Variants in ZBTB40 observed in about 807,000 individuals in gnomAD.
ZBTB40 encodes the protein zinc finger and BTB domain containing 40.
In ZBTB40, 60 loss-of-function variants were observed where a neutral mutation model predicts 117.5. That is an observed-to-expected ratio of 0.51 (90% CI 0.41 to 0.63). ZBTB40 has a LOEUF of 0.63. ZBTB40 is among the 30% of genes least tolerant of loss of function. ZBTB40 has a pLI of 0.00. For synonymous variants in ZBTB40, 525 were observed against 577.1 expected (o/e 0.91, Z 1.29); for missense variants, 1,287 against 1,498.5 (o/e 0.86, Z 2.33).
At chr1:22,434,668 A>G (rs1640647682) in intron 1 of ZBTB40, among the ~76,000 whole-genome samples, 1 of 152,216 alleles carries the variant, frequency 6.6e-6, no homozygotes, top group Non-Finnish European at 1.5e-5. Flanking sequence ...ACTTTTAATT[A>G]TAAAGTTTAT....
intron 15 of ZBTB40, among the ~76,000 whole-genome samples, chr1:22,522,122 A>T (rs1301147164): frequency 6.6e-6 from 1 of 152,258 alleles, no homozygotes; most frequent in African/African-American, 2.4e-5. Flanking sequence ...GCAAGACACC[A>T]TGCTAAGCAC....
Position 22,520,046 on chromosome 1 carries a change from G to A in ZBTB40, c.2834-15G>A, listed in dbSNP as rs371253393. On this transcript the variant is annotated splice_polypyrimidine_tract_variant and intron_variant, in intron 13 of 17. Coordinates refer to ENST00000375647, the MANE Select transcript of ZBTB40 (RefSeq NM_014870.4). Reference sequence around the variant, plus strand: ...CTCTCCACCTCTTCCTCTCATGGATGTCCCGTGAAACTAGACATAGAAGAT... The same window carrying A: ...CTCTCCACCTCTTCCTCTCATGGATATCCCGTGAAACTAGACATAGAAGAT... The A allele has an allele frequency of 2.5e-6, 4 of 1,612,650 alleles. No homozygotes were observed. Among genetic ancestry groups the A allele is most frequent in the Non-Finnish European group, 3.4e-6 (4 of 1,178,676 alleles).
rs761916816 is a variant in ZBTB40, at chr1:22,489,909, A to T, written c.-40A>T. On this transcript the variant is annotated 5_prime_UTR_variant, in exon 2 of 18. Transcript: ENST00000375647. ...TGTCCTCCCAAAGCCAACTCTAAGG[A>T]GAGGAGAGGAAGAGCAGTTCTTGGG... 6.3e-7 allele frequency: 1 copy of T among 1,591,130 alleles called. No homozygotes were observed. The highest frequency in any genetic ancestry group is 8.6e-7 in the Non-Finnish European group (1 of 1,168,652).
At chr1:22,464,287 A>C (rs1172185934) in intron 1 of ZBTB40, among the ~76,000 whole-genome samples, 2 of 152,200 alleles carry the variant, frequency 1.3e-5, no homozygotes, top group Non-Finnish European at 2.9e-5. Flanking sequence ...CTGGCCTTTA[A>C]CCACTAAGCT....
chr1:22,501,483 G>A lies in ZBTB40; in HGVS notation c.832-9G>A. On this transcript the variant is annotated splice_polypyrimidine_tract_variant and intron_variant, in intron 3 of 17. Coordinates refer to ENST00000375647, the MANE Select transcript of ZBTB40 (RefSeq NM_014870.4). ...CTAATCTATCTTTCTGGGTACTTTT[G>A]TTCCATAGATGATAGTGAAATGTTT... The A allele has an allele frequency of 1.2e-6, 2 of 1,614,050 alleles. No homozygotes were observed. The highest frequency in any genetic ancestry group is 1.1e-5 in the South Asian group (1 of 91,086).
intron 1 of ZBTB40, among the ~76,000 whole-genome samples, chr1:22,462,907 A>G (rs1641164156): frequency 6.6e-6 from 1 of 152,256 alleles, no homozygotes. Flanking sequence ...ATACATATGT[A>G]ACTTGAAAGT....
intron 3 of ZBTB40, among the ~76,000 whole-genome samples, chr1:22,498,525 C>T (rs1419433501): frequency 6.6e-6 from 1 of 152,232 alleles, no homozygotes; most frequent in African/African-American, 2.4e-5. Context: ...TAACTGCCCT[C>T]TCCTGGCCCT....
rs1004759686 is a variant in ZBTB40 at position 22,479,188 on chromosome 1, C to T, written c.-69-10692C>T. Among the ~76,000 whole-genome samples, 11 of 152,324 alleles carry T rather than the reference C, an allele frequency of 7.2e-5. No homozygotes were observed. The East Asian group carries it at 2.1e-3, about 29-fold the overall frequency. On this transcript the variant is annotated intron_variant, in intron 1 of 17. Transcript: ENST00000375647. ...TAGGTGTACCATTTAATCACTTCCA[C>T]CAACAGTGTATGAGAGTTCTGGTCA... is the stretch of plus-strand genomic sequence containing the variant.
Position 22,490,154 on chromosome 1 carries a change from A to C in ZBTB40, c.206A>C (p.Glu69Ala). The change falls in exon 2 of 18, where the codon GAG becomes GCG. Residue 69 changes from glutamate to alanine, a missense_variant. Transcript: ENST00000375647. The part of the protein sequence containing the change: ...ISIDASVVSP[E>A]EFALLLEMMY... ...ATCGATGCATCTGTGGTGAGCCCCGAGGAGTTTGCGCTCTTGTTGGAAATG... is the reference window on the plus strand; with the variant it reads ...ATCGATGCATCTGTGGTGAGCCCCGCGGAGTTTGCGCTCTTGTTGGAAATG... The C allele has an allele frequency of 6.2e-7, 1 of 1,614,188 alleles. No individual in the cohort carries two copies. The highest frequency in any genetic ancestry group is 8.5e-7 in the Non-Finnish European group (1 of 1,180,026).
At chr1:22,461,085 A>C (rs1397299683) in intron 1 of ZBTB40, among the ~76,000 whole-genome samples, 1 of 152,204 alleles carries the variant, frequency 6.6e-6, no homozygotes, top group East Asian at 1.9e-4. Flanking sequence ...AATATATTTA[A>C]ATTAAATAAC....
intron 1 of ZBTB40, among the ~76,000 whole-genome samples, chr1:22,444,483 C>G (rs987622140): frequency 4.6e-5 from 7 of 152,088 alleles, no homozygotes; most frequent in Admixed American, 2.0e-4. Flanking sequence ...ATAGAAAAAG[C>G]CTGAAACTGG....
rs999974628 is a variant in ZBTB40, at chr1:22,526,130, A to G, written c.3526-72A>G. Reference sequence around the variant, plus strand: ...ATAAATATCATCATTACAGCATGAGATGAAAACCATGTAAATCAGGGAGCC... The same window carrying G: ...ATAAATATCATCATTACAGCATGAGGTGAAAACCATGTAAATCAGGGAGCC... On this transcript the variant is annotated intron_variant, in intron 17 of 17. Coordinates refer to ENST00000375647, the MANE Select transcript of ZBTB40 (RefSeq NM_014870.4). 7.1e-6 allele frequency: 11 copies of G among 1,547,422 alleles called. No individual in the cohort carries two copies. The African/African-American group carries it at 1.4e-4, about 19-fold the overall frequency.
chr1:22,446,145 G>A (rs942368244), intron 1 of ZBTB40, among the ~76,000 whole-genome samples: 1 of 151,352 alleles, frequency 6.6e-6, no homozygotes, highest in Non-Finnish European at 1.5e-5. Flanking sequence ...CCTTTGATAC[G>A]CTTATTATAA....
At chr1:22,477,280 C>A (rs1025036794) in intron 1 of ZBTB40, among the ~76,000 whole-genome samples, 2 of 152,086 alleles carry the variant, frequency 1.3e-5, no homozygotes, top group African/African-American at 4.8e-5. Context: ...GATTTCATAG[C>A]CTTTCTCGGA....
intron 1 of ZBTB40, among the ~76,000 whole-genome samples, chr1:22,472,351 T>C (rs1003427795): frequency 2.6e-5 from 4 of 152,120 alleles, no homozygotes; most frequent in African/African-American, 9.7e-5. Context: ...ACCTGGCTAA[T>C]TTTTTGTGTT....
intron 1 of ZBTB40, among the ~76,000 whole-genome samples, chr1:22,454,298 A>C (rs1388426284): frequency 1.3e-5 from 2 of 152,246 alleles, no homozygotes; most frequent in East Asian, 3.8e-4. Flanking sequence ...ACCACTGTCT[A>C]GGTCCTGTGA....
intron 1 of ZBTB40, among the ~76,000 whole-genome samples, chr1:22,460,494 G>A (rs1040940896): frequency 6.6e-6 from 1 of 152,162 alleles, no homozygotes; most frequent in South Asian, 2.1e-4. Flanking sequence ...ACCAGGCAGT[G>A]TACTAGGTAT....
chr1:22,460,442 T>C (rs1641104298), intron 1 of ZBTB40, among the ~76,000 whole-genome samples: 1 of 152,210 alleles, frequency 6.6e-6, no homozygotes, highest in South Asian at 2.1e-4. Flanking sequence ...TTTCACATCA[T>C]GTTGATAATA....
At chr1:22,493,445 G>GTC (rs919446429) in intron 3 of ZBTB40, among the ~76,000 whole-genome samples, 8 of 152,266 alleles carry the variant, frequency 5.3e-5, no homozygotes, top group African/African-American at 1.9e-4. Flanking sequence ...CTCTCTCTCT[G>GTC]TCTCTCTCTC....
Sources: allele counts gnomAD v4.1 joint callset (sites outside exome capture counted in the v4.1 genomes callset), GRCh38; gene constraint gnomAD v4.1.1; transcripts MANE v1.5; gene names NCBI Gene and HGNC (gene_info 2026-07-23, HGNC 2026-07-21).